Variants in DBR1 observed in about 807,000 individuals in gnomAD.
DBR1 encodes the protein debranching RNA lariats 1.
A neutral mutation model predicts 45.9 loss-of-function variants in DBR1; 33 were observed. The ratio of observed to expected loss-of-function variants is 0.72; its 90% CI spans 0.55 to 0.96. The LOEUF (loss-of-function observed/expected upper bound fraction) is 0.96. Ranked by LOEUF, DBR1 falls within the 40% of genes least tolerant of loss-of-function variation. The pLI is 0.00. For missense variants in DBR1, 619 were observed against 667.4 expected (o/e 0.93, Z 0.80); for synonymous variants, 235 against 235.9 (o/e 1.00, Z 0.04).
intron 2 of DBR1, among the ~76,000 whole-genome samples, chr3:138,173,130 G>A (rs963667416): frequency 6.7e-5 from 10 of 148,398 alleles, no homozygotes; most frequent in Admixed American, 3.4e-4. Flanking sequence ...TATAATAGTC[G>A]TTGAAGCTGG....
In DBR1 at chr3:138,163,509, C is replaced by T; in HGVS notation, c.796-15G>A. On this transcript the variant is annotated splice_polypyrimidine_tract_variant and intron_variant, in intron 6 of 7. Coordinates refer to ENST00000260803, the MANE Select transcript of DBR1 (RefSeq NM_016216.4). Reference sequence around the variant, plus strand: ...ATCTCTAATATCTACAGGATGAAATCAATGTTAAGAAATACATATATATTT... The same window carrying T: ...ATCTCTAATATCTACAGGATGAAATTAATGTTAAGAAATACATATATATTT... 1 of 1,517,812 alleles carries T rather than the reference C, an allele frequency of 6.6e-7. No individual in the cohort carries two copies. The highest frequency in any genetic ancestry group is 2.3e-5 in the East Asian group (1 of 43,544). The allele number at this position is 1,517,812 out of a possible 1,614,324, so 94.0% of individuals were successfully genotyped here.
At position 138,173,591 on chromosome 3, in the gene DBR1, G is replaced by A. The variant is rs775757073; in HGVS notation, c.233C>T (p.Thr78Met). The change falls in exon 2 of 8, where the codon ACG becomes ATG. Residue 78 changes from threonine (T) to methionine (M), a missense_variant. This residue lies in a region of DBR1 where 430 missense variants were observed against 447.7 expected (regional missense o/e 0.96). Transcript: ENST00000260803. ...TTCATGGTTTCCCCCAATGAAGAGCGTGAGAACTGGAGCCTTTTTCTCTCC... is the reference window on the plus strand; with the variant it reads ...TTCATGGTTTCCCCCAATGAAGAGCATGAGAACTGGAGCCTTTTTCTCTCC... The part of the protein sequence containing the change: ...YSGEKKAPVL[T>M]LFIGGNHEAS... 46 of 1,613,344 alleles carry A rather than the reference G, an allele frequency of 2.9e-5. No homozygotes were observed. Among genetic ancestry groups the A allele is most frequent in the East Asian group, 4.5e-5 (2 of 44,854 alleles).
At chr3:138,164,987 T>G (rs1382111066) in intron 5 of DBR1, among the ~76,000 whole-genome samples, 1 of 145,908 alleles carries the variant, frequency 6.9e-6, no homozygotes, top group Non-Finnish European at 1.5e-5. Context: ...CCAATAAAGG[T>G]TTTTTTTTTT....
intron 4 of DBR1, among the ~76,000 whole-genome samples, chr3:138,169,219 C>T (rs1179246513): frequency 6.6e-6 from 1 of 152,200 alleles, no homozygotes; most frequent in East Asian, 1.9e-4. Context: ...CTGTCTGAGC[C>T]TTGGCTTCTC....
chr3:138,165,933 T>C (rs2042928689), intron 5 of DBR1, among the ~76,000 whole-genome samples: 1 of 152,192 alleles, frequency 6.6e-6, no homozygotes, highest in African/African-American at 2.4e-5. Context: ...CTTCTCCCAG[T>C]GAAACTGGGA....
chr3:138,174,555 T>TGCCCC, intron 1 of DBR1, 44 bp downstream of exon 1: 1 of 1,437,556 alleles, frequency 7.0e-7, no homozygotes, highest in Non-Finnish European at 9.6e-7. Context: ...GGGAACCCAG[T>TGCCCC]CCCACCCCCC....
chr3:138,173,478 G>A (rs749014899), intron 2 of DBR1, 24 bp downstream of exon 2: 39 of 1,611,064 alleles, frequency 2.4e-5, no homozygotes, highest in Non-Finnish European at 3.2e-5. Flanking sequence ...GGAAAAAAAA[G>A]TATCCACAAA....
chr3:138,174,559 A>ACCCCCCCC, intron 1 of DBR1, 40 bp downstream of exon 1: 4 of 836,822 alleles, frequency 4.8e-6, no homozygotes, highest in Non-Finnish European at 7.7e-6. Context: ...ACCCAGTCCC[A>ACCCCCCCC]CCCCCCCACC....
At chr3:138,174,555 T>TCCCCC in intron 1 of DBR1, 44 bp downstream of exon 1, 2 of 1,437,560 alleles carry the variant, frequency 1.4e-6, no homozygotes, top group Non-Finnish European at 1.9e-6. Context: ...GGGAACCCAG[T>TCCCCC]CCCACCCCCC....
At chr3:138,164,462 T>C (rs2042921389) in intron 5 of DBR1, among the ~76,000 whole-genome samples, 2 of 152,192 alleles carry the variant, frequency 1.3e-5, no homozygotes, top group African/African-American at 2.4e-5. Context: ...GGCAAATCTA[T>C]AGAAACACAA....
chr3:138,170,038 C>G (rs1024100397), intron 4 of DBR1, 69 bp downstream of exon 4: 2 of 1,030,292 alleles, frequency 1.9e-6, no homozygotes, highest in Non-Finnish European at 3.0e-6. Flanking sequence ...CCAATATGAC[C>G]AAAATACATT....
Position 138,173,526 on chromosome 3 carries a change from C to CCCAG in DBR1, c.294_297dup (p.Val100LeufsTer30). On this transcript the variant is annotated frameshift_variant, in exon 2 of 8. Coordinates refer to ENST00000260803, the MANE Select transcript of DBR1 (RefSeq NM_016216.4). LOFTEE classifies it high-confidence loss of function. Reference sequence around the variant, plus strand: ...CCTAAATAATAAATGTTTGGTGCCACCCAGCCACCATAGGGTAACTCTTGC... The same window carrying CCCAG: ...CCTAAATAATAAATGTTTGGTGCCACCCAGCCAGCCACCATAGGGTAACTCTTGC... 1 of 1,613,952 alleles carries CCCAG rather than the reference C, an allele frequency of 6.2e-7. No homozygotes were observed. Among genetic ancestry groups the CCCAG allele is most frequent in the Non-Finnish European group, 8.5e-7 (1 of 1,179,912 alleles).
Position 138,163,764 on chromosome 3 carries a change from T to C in DBR1, c.795+14A>G. On this transcript the variant is annotated intron_variant, in intron 6 of 7. Coordinates refer to ENST00000260803, the MANE Select transcript of DBR1 (RefSeq NM_016216.4). ...GAGTACAACTATATTATAAAGCCACTTCACTCTTCTTACCTGAAGAAAATC... is the reference window on the plus strand; with the variant it reads ...GAGTACAACTATATTATAAAGCCACCTCACTCTTCTTACCTGAAGAAAATC... 2 of 1,594,790 alleles carry C rather than the reference T, an allele frequency of 1.3e-6. No homozygotes were observed. The highest frequency in any genetic ancestry group is 1.7e-6 in the Non-Finnish European group (2 of 1,165,932).
In DBR1 at chr3:138,161,564, G is replaced by A. The variant is rs142938168; in HGVS notation, c.*325C>T. 908 of 218,320 alleles carry A rather than the reference G, an allele frequency of 4.2e-3. 9 individuals carry two copies. Among genetic ancestry groups the A allele is most frequent in the African/African-American group, 0.019 (838 of 44,504 alleles). 13.5% of individuals were successfully genotyped at this position (218,320 alleles called of 1,614,324 possible). ...ATAATACTAAGACAAGTAAATTGTC[G>A]GCCAGGCACAGTGGCTCACGCCTGT... On this transcript the variant is annotated 3_prime_UTR_variant, in exon 8 of 8. Coordinates refer to ENST00000260803, the MANE Select transcript of DBR1 (RefSeq NM_016216.4).
In DBR1 at chr3:138,167,289, T is replaced by A; in HGVS notation, c.506A>T (p.Asp169Val). 5 of 1,596,368 alleles carry A rather than the reference T, an allele frequency of 3.1e-6. No individual in the cohort carries two copies. The highest frequency in any genetic ancestry group is 4.3e-6 in the Non-Finnish European group (5 of 1,175,478). ...TGGCCAATCATGAGACAAGAATATA[T>A]CTATAGGCTGCTTCAGCTTTCAAAA... is the stretch of plus-strand genomic sequence containing the variant. ...YKLKQLKQPI[D>V]IFLSHDWPRS... The change falls in exon 5 of 8, where the codon GAT becomes GTT. Residue 169 changes from aspartate (D) to valine (V), a missense_variant. Asp to Val is a radical substitution (Grantham distance 152, BLOSUM62 -3). This residue lies in a region of DBR1 where 430 missense variants were observed against 447.7 expected (regional missense o/e 0.96). Transcript: ENST00000260803.
intron 7 of DBR1, 62 bp from the exon 8 acceptor site, chr3:138,162,644 A>C: frequency 7.4e-7 from 1 of 1,350,328 alleles, no homozygotes; most frequent in South Asian, 1.4e-5. Context: ...AAATGATGAA[A>C]TCTAATTACA....
Position 138,161,588 on chromosome 3 carries a change from G to C in DBR1, c.*301C>G, listed in dbSNP as rs564169547. 4 of 286,574 alleles carry C rather than the reference G, an allele frequency of 1.4e-5. No individual in the cohort carries two copies. The highest frequency in any genetic ancestry group is 4.6e-5 in the Admixed American group (1 of 21,720). The allele number at this position is 286,574 out of a possible 1,614,324, so 17.8% of individuals were successfully genotyped here. On this transcript the variant is annotated 3_prime_UTR_variant, in exon 8 of 8. Coordinates refer to ENST00000260803, the MANE Select transcript of DBR1 (RefSeq NM_016216.4). ...CGGCCAGGCACAGTGGCTCACGCCTGTAATCCCAGCACTTTAGAAGGCCAA... is the reference window on the plus strand; with the variant it reads ...CGGCCAGGCACAGTGGCTCACGCCTCTAATCCCAGCACTTTAGAAGGCCAA...
At chr3:138,174,300 C>T (rs1479561419) in intron 1 of DBR1, among the ~76,000 whole-genome samples, 1 of 152,152 alleles carries the variant, frequency 6.6e-6, no homozygotes, top group Non-Finnish European at 1.5e-5. Context: ...TATCCCCTCC[C>T]AGGCTTCGAC....
Position 138,173,557 on chromosome 3 carries a change from A to G in DBR1, c.267T>C (p.Asn89=), listed in dbSNP as rs752163280. The change falls in exon 2 of 8, where the codon AAT becomes AAC. Residue 89 remains asparagine (N), a synonymous_variant. Coordinates refer to ENST00000260803, the MANE Select transcript of DBR1 (RefSeq NM_016216.4). The part of the protein sequence containing the change: ...LFIGGNHEAS[N]HLQELPYGGW... ...CACCATAGGGTAACTCTTGCAAATG[A>G]TTTGAGGCTTCATGGTTTCCCCCAA... The G allele has an allele frequency of 6.2e-7, 1 of 1,613,878 alleles. No individual in the cohort carries two copies. Among genetic ancestry groups the G allele is most frequent in the East Asian group, 2.2e-5 (1 of 44,888 alleles).
Sources: gnomAD v4.1 joint callset for allele counts (sites outside exome capture counted in the v4.1 genomes callset) on GRCh38, gnomAD v4.1.1 for gene constraint, gnomAD v4.1.1 regional missense constraint, MANE v1.5 for transcripts, NCBI Gene and HGNC (gene_info 2026-07-23, HGNC 2026-07-21) for gene names.